CDCP1: variants seen among roughly 807,000 people sequenced by gnomAD.
CDCP1 encodes CUB domain-containing protein 1.
A neutral mutation model predicts 60.2 loss-of-function variants in CDCP1; 29 were observed. That is an observed-to-expected ratio of 0.48 (90% CI 0.36 to 0.66). The LOEUF is 0.66. CDCP1 is among the 30% of genes least tolerant of loss of function. The pLI is 0.00. For missense variants in CDCP1, 876 were observed against 1,074.3 expected (o/e 0.82, Z 2.58); for synonymous variants, 387 against 431.1 (o/e 0.90, Z 1.27).
Position 45,110,427 on chromosome 3 carries a change from C to A in CDCP1, c.1024+46G>T, listed in dbSNP as rs375244358. ...CCCAGGCAGACTACCCAGGAAACAA[C>A]GAAGGTGCTGGAGGAGGAAGAAAAA... On this transcript the variant is annotated intron_variant, in intron 4 of 8. Coordinates refer to ENST00000296129, the MANE Select transcript of CDCP1 (RefSeq NM_022842.5). The A allele has an allele frequency of 5.6e-6, 9 of 1,597,230 alleles. No homozygotes were observed. In the African/African-American group the frequency reaches 6.7e-5, roughly 12 times the overall value.
chr3:45,126,162 CTTT>C (rs1698990136), intron 1 of CDCP1, among the ~76,000 whole-genome samples: 2 of 144,822 alleles, frequency 1.4e-5, no homozygotes, highest in South Asian at 4.5e-4. Context: ...TTCTTTCTTT[CTTT>C]CTTTCTTTCC....
chr3:45,103,900 A>G (rs1042040881), intron 4 of CDCP1, among the ~76,000 whole-genome samples: 2 of 152,208 alleles, frequency 1.3e-5, no homozygotes, highest in Admixed American at 1.3e-4. Flanking sequence ...ACCTAGTCTC[A>G]GGTATTCTGT....
At chr3:45,088,947 G>GA (rs1022123930) in intron 8 of CDCP1, 107 bp downstream of exon 8, 28 of 902,532 alleles carry the variant, frequency 3.1e-5, no homozygotes, top group Non-Finnish European at 4.3e-5. Flanking sequence ...ATCTTTGGGG[G>GA]AAAAAATGGG....
At chr3:45,146,121 G>T (rs1456133160) in intron 1 of CDCP1, 85 bp downstream of exon 1, 16 of 1,264,844 alleles carry the variant, frequency 1.3e-5, no homozygotes, top group Non-Finnish European at 1.6e-5. Flanking sequence ...CGCACCCTGC[G>T]TCCCTCGGCC....
At position 45,095,585 on chromosome 3, in the gene CDCP1, A is replaced by G; in HGVS notation, c.1025-17T>C. On this transcript the variant is annotated splice_polypyrimidine_tract_variant and intron_variant, in intron 4 of 8. Transcript: ENST00000296129. ...AGATTTTATCTGAAACCACAAACAG[A>G]AAACAGGCATGAAGCATGGATCAGC... 2 of 1,611,298 alleles carry G rather than the reference A, an allele frequency of 1.2e-6. No homozygotes were observed. Among genetic ancestry groups the G allele is most frequent in the Non-Finnish European group, 1.7e-6 (2 of 1,177,520 alleles).
intron 5 of CDCP1, among the ~76,000 whole-genome samples, chr3:45,094,791 A>T (rs952306929): frequency 1.3e-5 from 2 of 152,046 alleles, no homozygotes; most frequent in Non-Finnish European, 2.9e-5. Context: ...GAAGATTGGA[A>T]GGCTGGGCAG....
chr3:45,097,314 A>AAAAG (rs1262943940), intron 4 of CDCP1, among the ~76,000 whole-genome samples: 6 of 152,100 alleles, frequency 3.9e-5, no homozygotes, highest in Admixed American at 2.6e-4. Context: ...CTCCAAAAAA[A>AAAAG]AAAGAAAGAA....
rs997047425 is a variant in CDCP1, at chr3:45,085,267, G to C, written c.*371C>G. 1.1e-5 allele frequency: 2 copies of C among 181,160 alleles called. No individual in the cohort carries two copies. Among genetic ancestry groups the C allele is most frequent in the Non-Finnish European group, 2.3e-5 (2 of 86,732 alleles). 11.2% of individuals were successfully genotyped at this position (181,160 alleles called of 1,614,324 possible). On this transcript the variant is annotated 3_prime_UTR_variant, in exon 9 of 9. Coordinates refer to ENST00000296129, the MANE Select transcript of CDCP1 (RefSeq NM_022842.5). This position sits in a 1 kb window ranked among gnomAD's most constrained non-coding sequence, Gnocchi z 4.2. Reference sequence around the variant, plus strand: ...CAGTGAGAGTAGGGACCTCAGGTAGGCTCCTTGGAATTGGAACTGTTGTCC... The same window carrying C: ...CAGTGAGAGTAGGGACCTCAGGTAGCCTCCTTGGAATTGGAACTGTTGTCC...
At chr3:45,086,145 G>C (rs1698190251) in intron 8 of CDCP1, 78 bp from the exon 9 acceptor site, 14 of 1,284,930 alleles carry the variant, frequency 1.1e-5, no homozygotes, top group Admixed American at 1.9e-5. Context: ...GGCCCTGCTA[G>C]AGCTTGGATT....
chr3:45,108,996 C>A (rs1434057252), intron 4 of CDCP1, among the ~76,000 whole-genome samples: 3 of 133,406 alleles, frequency 2.2e-5, no homozygotes, highest in African/African-American at 5.6e-5. Context: ...GTCACCCAGG[C>A]TGGAGTGCAG....
chr3:45,122,060 G>C (rs578098328), intron 1 of CDCP1, among the ~76,000 whole-genome samples: 1 of 151,928 alleles, frequency 6.6e-6, no homozygotes, highest in African/African-American at 2.4e-5. Flanking sequence ...TCTGTTGTTT[G>C]GCCAGGTTAG....
At chr3:45,139,016 T>C (rs760045350) in intron 1 of CDCP1, among the ~76,000 whole-genome samples, 1 of 152,032 alleles carries the variant, frequency 6.6e-6, no homozygotes, top group Non-Finnish European at 1.5e-5. Flanking sequence ...AGAGATCACA[T>C]AGCAAGAGAA....
At chr3:45,143,218 AAG>A (rs1287143848) in intron 1 of CDCP1, among the ~76,000 whole-genome samples, 3 of 152,246 alleles carry the variant, frequency 2.0e-5, no homozygotes, top group Non-Finnish European at 4.4e-5. Context: ...AATTTAAAAA[AAG>A]AGTGTGCAGA....
intron 4 of CDCP1, among the ~76,000 whole-genome samples, chr3:45,099,507 G>A (rs2372860): frequency 6.6e-6 from 1 of 151,908 alleles, no homozygotes; most frequent in Non-Finnish European, 1.5e-5. Context: ...ATTGTGTGTG[G>A]TGGCCCCTTC....
Position 45,091,409 on chromosome 3 carries a change from G to A in CDCP1, c.1757C>T (p.Ala586Val). 1.2e-6 allele frequency: 2 copies of A among 1,613,988 alleles called. No individual in the cohort carries two copies. Among genetic ancestry groups the A allele is most frequent in the South Asian group, 1.1e-5 (1 of 91,028 alleles). ...CCGCTCCTTAAAGAAAGTCAGGCAGGCCACCTGGTCTCTGGGCACGCTGAT... is the reference window on the plus strand; with the variant it reads ...CCGCTCCTTAAAGAAAGTCAGGCAGACCACCTGGTCTCTGGGCACGCTGAT... ...WNISVPRDQVACLTFFKERSG... is the reference protein window; with the variant it reads ...WNISVPRDQVVCLTFFKERSG... Residue 586 changes from alanine to valine, a missense_variant, in exon 7 of 9, where the codon GCC becomes GTC. Physicochemically the swap from Ala to Val is moderately conservative, Grantham distance 64. This residue lies in a region of CDCP1 where 726 missense variants were observed against 935.7 expected (regional missense o/e 0.78). Transcript: ENST00000296129. The surrounding 1 kb of genome is among the most constrained non-coding windows in gnomAD (Gnocchi z 4.8).
intron 4 of CDCP1, among the ~76,000 whole-genome samples, chr3:45,106,338 A>C (rs1169659037): frequency 1.3e-5 from 2 of 152,020 alleles, no homozygotes; most frequent in Admixed American, 6.5e-5. Flanking sequence ...CTTTGGTTTG[A>C]GAAGGTCTCC....
intron 2 of CDCP1, among the ~76,000 whole-genome samples, chr3:45,113,984 GT>G (rs1206355677): frequency 6.6e-6 from 1 of 152,188 alleles, no homozygotes; most frequent in African/African-American, 2.4e-5. Context: ...CTGTACTCTT[GT>G]GGAAACATTT....
Position 45,123,595 on chromosome 3 carries a change from T to C in CDCP1, c.83-4974A>G, listed in dbSNP as rs545223445. 9.2e-5 allele frequency among the ~76,000 whole-genome samples: 14 copies of C among 152,258 alleles called. No homozygotes were observed. In the East Asian group the frequency reaches 2.7e-3, roughly 29 times the overall value. On this transcript the variant is annotated intron_variant, in intron 1 of 8. Transcript: ENST00000296129. ...GGGGTGAACAGGAGCAAGAAGATAATGATTCAACACCTTGTACATACTTGA... is the reference window on the plus strand; with the variant it reads ...GGGGTGAACAGGAGCAAGAAGATAACGATTCAACACCTTGTACATACTTGA...
chr3:45,105,724 C>G (rs1306074334), intron 4 of CDCP1, among the ~76,000 whole-genome samples: 1 of 152,046 alleles, frequency 6.6e-6, no homozygotes, highest in African/African-American at 2.4e-5. Flanking sequence ...AATACTGTAC[C>G]ATTAACTCAC....
Sources: allele counts gnomAD v4.1 joint callset (sites outside exome capture counted in the v4.1 genomes callset), GRCh38; gene constraint gnomAD v4.1.1; regional missense constraint gnomAD v4.1.1; non-coding constraint Gnocchi (gnomAD v3.1); transcripts MANE v1.5; gene names NCBI Gene and HGNC (gene_info 2026-07-23, HGNC 2026-07-21).